NOTCH2: variants seen among roughly 807,000 people sequenced by gnomAD.
NOTCH2 encodes notch receptor 2, also known as neurogenic locus notch homolog protein 2.
Under a neutral mutation model 235.8 loss-of-function variants are expected in NOTCH2, and 29 were observed. The ratio of observed to expected loss-of-function variants is 0.12; its 90% CI spans 0.09 to 0.17. The LOEUF is 0.17. Ranked by LOEUF, NOTCH2 falls within the 10% of genes least tolerant of loss-of-function variation. The probability of loss-of-function intolerance (pLI) is 1.00; values close to 1 mark genes in which losing one functional copy is unlikely to be tolerated. For missense variants in NOTCH2, 2,285 were observed against 3,150.2 expected (o/e 0.73, Z 6.57); for synonymous variants, 1,086 against 1,141.5 (o/e 0.95, Z 0.98).
At chr1:119,928,837 G>A in intron 23 of NOTCH2, 139 bp downstream of exon 23, 1 of 723,884 alleles carries the variant, frequency 1.4e-6, no homozygotes, top group African/African-American at 1.8e-5. Flanking sequence ...GAAAAAACTG[G>A]CTTTAAAAAA....
At chr1:120,000,110 TG>T (rs1652689389) in intron 3 of NOTCH2, among the ~76,000 whole-genome samples, 1 of 152,126 alleles carries the variant, frequency 6.6e-6, no homozygotes, top group South Asian at 2.1e-4. Flanking sequence ...TTGCTGCCTC[TG>T]CTTCTTCATC....
chr1:120,030,154 T>A (rs1298438405), intron 1 of NOTCH2, among the ~76,000 whole-genome samples, 167 bp from the exon 2 acceptor site: 13 of 152,198 alleles, frequency 8.5e-5, no homozygotes, highest in Admixed American at 2.6e-4. Flanking sequence ...CAGAAGCCCA[T>A]CCCAAAACTA....
chr1:119,920,955 C>T lies in NOTCH2; in HGVS notation c.5311-558G>A, dbSNP rs189797124. ...AAAGCAGCTACCCTTTACTGAATAC[C>T]TAGTACATGACAGGAAAGTAGATAA... On this transcript the variant is annotated intron_variant, in intron 29 of 33. Coordinates refer to ENST00000256646, the MANE Select transcript of NOTCH2 (RefSeq NM_024408.4). Among the ~76,000 whole-genome samples the T allele has an allele frequency of 2.0e-5, 3 of 152,260 alleles. No individual in the cohort carries two copies. In the East Asian group the frequency reaches 5.8e-4, roughly 29 times the overall value.
chr1:119,968,661 CAAT>C (rs1391040708), intron 6 of NOTCH2, among the ~76,000 whole-genome samples: 1 of 152,154 alleles, frequency 6.6e-6, no homozygotes, highest in Non-Finnish European at 1.5e-5. Flanking sequence ...CCTACTTCCC[CAAT>C]ATTATGCTAC....
At position 119,916,173 on chromosome 1, in the gene NOTCH2, C is replaced by T. The variant is rs587695537; in HGVS notation, c.6549G>A (p.Met2183Ile). 3 of 1,614,178 alleles carry T rather than the reference C, an allele frequency of 1.9e-6. No individual in the cohort carries two copies. In the Admixed American group the frequency reaches 5.0e-5, roughly 27 times the overall value. The change falls in exon 34 of 34, where the codon ATG becomes ATA. Residue 2183 changes from methionine (M) to isoleucine (I), a missense_variant. Met to Ile is a conservative substitution (Grantham distance 10). Around this residue, in one of 6 missense-constraint regions of NOTCH2, gnomAD observed 504 missense variants for 538.0 expected, o/e 0.94. Transcript: ENST00000256646. ...GGGCAGGAGGGGCGGCAGTGGCCAA[C>T]ATAGGGTTGGGTGAGGCCTGTAAGA... ...PGILQASPNP[M>I]LATAAPPAPV...
At chr1:120,000,524 C>A (rs1652707502) in intron 3 of NOTCH2, among the ~76,000 whole-genome samples, 1 of 128,578 alleles carries the variant, frequency 7.8e-6, no homozygotes, top group Admixed American at 7.7e-5. Context: ...CAAAGCAATA[C>A]TCCATCTCAA....
intron 10 of NOTCH2, 145 bp downstream of exon 10, chr1:119,965,308 A>T: frequency 1.3e-6 from 1 of 774,574 alleles, no homozygotes; most frequent in Non-Finnish European, 2.4e-6. Flanking sequence ...GCAGCAAAAA[A>T]TTTGTTAGAA....
intron 22 of NOTCH2, chr1:119,935,181 C>T (rs1195980857): frequency 8.0e-7 from 1 of 1,255,976 alleles, no homozygotes. Context: ...ATCTTACTGA[C>T]CAGGCTAATT....
chr1:119,918,488 G>A lies in NOTCH2; in HGVS notation c.5847C>T (p.Ile1949=), dbSNP rs772485679. Residue 1949 remains isoleucine (I), a synonymous_variant, in exon 32 of 34, where the codon ATC becomes ATT. Transcript: ENST00000256646. ...ARMNDGTTPL[I]LAARLAVEGM... ...CCTCCACAGCCAGGCGGGCAGCCAG[G>A]ATCAGGGGTGTAGTACCATCATTCA... 1.2e-6 allele frequency: 2 copies of A among 1,614,062 alleles called. No individual in the cohort carries two copies. The highest frequency in any genetic ancestry group is 2.7e-5 in the African/African-American group (2 of 74,920).
At chr1:119,958,171 C>A (rs1650781475) in intron 12 of NOTCH2, among the ~76,000 whole-genome samples, 1 of 152,208 alleles carries the variant, frequency 6.6e-6, no homozygotes, top group Non-Finnish European at 1.5e-5. Context: ...ATTCACTCGA[C>A]TGCCACTTGA....
intron 1 of NOTCH2, among the ~76,000 whole-genome samples, chr1:120,067,584 G>A (rs1334084639): frequency 6.6e-6 from 1 of 152,112 alleles, no homozygotes; most frequent in Non-Finnish European, 1.5e-5. Context: ...TAGGTGAGGA[G>A]ACTACATATC....
In NOTCH2 at chr1:119,915,205, G is replaced by T; in HGVS notation, c.*101C>A. Reference sequence around the variant, plus strand: ...CTTCTCTTTCCTACCTCTAGAAGCTGGCTCCAGAGATTTCTTCATTTCTCT... The same window carrying T: ...CTTCTCTTTCCTACCTCTAGAAGCTTGCTCCAGAGATTTCTTCATTTCTCT... On this transcript the variant is annotated 3_prime_UTR_variant, in exon 34 of 34. Coordinates refer to ENST00000256646, the MANE Select transcript of NOTCH2 (RefSeq NM_024408.4). 1 of 1,225,816 alleles carries T rather than the reference G, an allele frequency of 8.2e-7. No individual in the cohort carries two copies. Among genetic ancestry groups the T allele is most frequent in the Non-Finnish European group, 1.2e-6 (1 of 838,782 alleles). 75.9% of individuals were successfully genotyped at this position (1,225,816 alleles called of 1,614,324 possible). A position where few individuals can be genotyped will look rare whatever the true frequency, so the allele number is the denominator to read the frequency against.
intron 18 of NOTCH2, among the ~76,000 whole-genome samples, 198 bp downstream of exon 18, chr1:119,941,328 T>C (rs1557814038): frequency 6.6e-6 from 1 of 152,156 alleles, no homozygotes; most frequent in African/African-American, 2.4e-5. Flanking sequence ...CCTATAAACT[T>C]TGCAACCTCT....
chr1:120,045,866 T>C (rs1157790752), intron 1 of NOTCH2, among the ~76,000 whole-genome samples: 3 of 152,254 alleles, frequency 2.0e-5, no homozygotes, highest in African/African-American at 7.2e-5. Context: ...CAAAATTAGG[T>C]GTGTGTACCC....
chr1:119,985,240 G>C (rs1387677462), intron 5 of NOTCH2, among the ~76,000 whole-genome samples: 1 of 151,588 alleles, frequency 6.6e-6, no homozygotes, highest in Non-Finnish European at 1.5e-5. Context: ...GAAAACCTGT[G>C]ATGAATAACA....
chr1:119,953,166 C>G (rs1302295138), intron 14 of NOTCH2, among the ~76,000 whole-genome samples: 1 of 152,134 alleles, frequency 6.6e-6, no homozygotes, highest in Non-Finnish European at 1.5e-5. Context: ...ACAAAATTAG[C>G]CGGGTGTGGT....
At chr1:119,957,241 A>G (rs1553198439) in intron 12 of NOTCH2, among the ~76,000 whole-genome samples, 1 of 152,234 alleles carries the variant, frequency 6.6e-6, no homozygotes, top group African/African-American at 2.4e-5. Flanking sequence ...CCATGAGTAT[A>G]TACATCAAGG....
rs782695396 is a variant in NOTCH2 at position 120,068,893 on chromosome 1, G to A, written c.73+441C>T. 1.3e-4 allele frequency: 102 copies of A among 757,670 alleles called. 2 individuals are homozygous for A. The highest frequency in any genetic ancestry group is 3.0e-4 in the Admixed American group (13 of 43,072). 46.9% of individuals were successfully genotyped at this position (757,670 alleles called of 1,614,324 possible). On this transcript the variant is annotated intron_variant, in intron 1 of 33. Transcript: ENST00000256646. ...GAGGCTGGCTGCGACGGTGCAGGCCGTTTGGCTTGGCGGCCCTGCCCCCGC... is the reference window on the plus strand; with the variant it reads ...GAGGCTGGCTGCGACGGTGCAGGCCATTTGGCTTGGCGGCCCTGCCCCCGC...
In NOTCH2 at chr1:119,912,252, G is replaced by A; in HGVS notation, c.*3054C>T. ...ATATAATATCACTTTTAAGAGAAAT[G>A]TACACAAGGAAGTAACCATAGTACC... On this transcript the variant is annotated 3_prime_UTR_variant, in exon 34 of 34. Transcript: ENST00000256646. 8.6e-6 allele frequency: 2 copies of A among 233,230 alleles called. No homozygotes were observed. The highest frequency in any genetic ancestry group is 1.2e-4 in the East Asian group (2 of 16,462). The allele number at this position is 233,230 out of a possible 1,614,324, so 14.4% of individuals were successfully genotyped here. A position where few individuals can be genotyped will look rare whatever the true frequency, so the allele number is the denominator to read the frequency against.
Sources: allele counts gnomAD v4.1 joint callset (sites outside exome capture counted in the v4.1 genomes callset), GRCh38; gene constraint gnomAD v4.1.1; regional missense constraint gnomAD v4.1.1; transcripts MANE v1.5; gene names NCBI Gene and HGNC (gene_info 2026-07-23, HGNC 2026-07-21).